Variants in HECA observed in about 807,000 individuals in gnomAD.
The protein encoded by HECA is HECA ribonucleoprotein granule regulator.
In HECA, 13 loss-of-function variants were observed where a neutral mutation model predicts 37.6. The ratio of observed to expected loss-of-function variants is 0.35; its 90% confidence interval spans 0.23 to 0.55. HECA has a LOEUF of 0.55. Among genes scored for constraint, HECA ranks in the 20% least tolerant of loss-of-function variants. The pLI is 0.90. For missense variants in HECA, 527 were observed against 701.9 expected, an observed-to-expected ratio of 0.75 and a Z score of 2.82; for synonymous variants, 307 against 291.5, an observed-to-expected ratio of 1.05 and a Z score of -0.54.
chr6:139,159,428 G>A (rs995601146), intron 1 of HECA, among the ~76,000 whole-genome samples: 6 of 152,142 alleles, frequency 3.9e-5, no homozygotes, highest in Non-Finnish European at 8.8e-5. Flanking sequence ...CCATGGAACC[G>A]GGACTTACAC....
At chr6:139,159,457 T>A (rs951481282) in intron 1 of HECA, among the ~76,000 whole-genome samples, 4 of 151,922 alleles carry the variant, frequency 2.6e-5, no homozygotes. Context: ...CTTTTTTTCC[T>A]CCTTTAAAAA....
chr6:139,171,396 G>A (rs1383810601), intron 2 of HECA, among the ~76,000 whole-genome samples: 1 of 152,156 alleles, frequency 6.6e-6, no homozygotes, highest in African/African-American at 2.4e-5. Context: ...CACATTAGAT[G>A]TGCCCACAAA....
At chr6:139,153,299 A>G (rs551175874) in intron 1 of HECA, 1 of 152,296 alleles carries the variant, frequency 6.6e-6, no homozygotes, top group African/African-American at 2.4e-5. Flanking sequence ...CCAGTTTTCT[A>G]AAGACTTAAA....
At chr6:139,141,711 A>T (rs1289415740) in intron 1 of HECA, among the ~76,000 whole-genome samples, 2 of 151,088 alleles carry the variant, frequency 1.3e-5, no homozygotes, top group African/African-American at 4.9e-5. Flanking sequence ...TTTATGAGGG[A>T]TCTAATCCCG....
intron 1 of HECA, among the ~76,000 whole-genome samples, chr6:139,137,310 T>G (rs1262492313): frequency 1.3e-5 from 2 of 152,078 alleles, no homozygotes; most frequent in Non-Finnish European, 2.9e-5. Flanking sequence ...TCCTCATGTG[T>G]AAACTTGAAA....
At chr6:139,175,317 G>A (rs1177957883) in intron 3 of HECA, among the ~76,000 whole-genome samples, 1 of 152,142 alleles carries the variant, frequency 6.6e-6, no homozygotes, top group Non-Finnish European at 1.5e-5. Context: ...GCTCTAAAGT[G>A]TTCCAGCCTG....
chr6:139,174,194 T>C (rs1162134109), intron 2 of HECA, among the ~76,000 whole-genome samples, 191 bp from the exon 3 acceptor site: 5 of 152,252 alleles, frequency 3.3e-5, no homozygotes, highest in Non-Finnish European at 5.9e-5. Flanking sequence ...ACATGCTTTA[T>C]TGACAACAGC....
At chr6:139,174,362 A>ACTG (rs1362605376) in intron 2 of HECA, 23 bp from the exon 3 acceptor site, 1 of 1,600,114 alleles carries the variant, frequency 6.2e-7, no homozygotes, top group African/African-American at 1.3e-5. Flanking sequence ...GGCCACTCAG[A>ACTG]GCCTTGTGTC....
chr6:139,179,344 T>G lies in HECA; in HGVS notation c.*2239T>G, dbSNP rs981006382. ...CTGCTTTATATTGTTGTTCTGAAGC[T>G]TACAATTGACCTATACATTGCATTC... On this transcript the variant is annotated 3_prime_UTR_variant, in exon 4 of 4. Coordinates refer to ENST00000367658, the MANE Select transcript of HECA (RefSeq NM_016217.3). 6 of 152,190 alleles carry G rather than the reference T, an allele frequency of 3.9e-5. No individual in the cohort carries two copies. The highest frequency in any genetic ancestry group is 3.2e-3 in the Middle Eastern group (1 of 316). 9.4% of individuals were successfully genotyped at this position (152,190 alleles called of 1,614,324 possible).
chr6:139,136,788 C>T (rs553287345), intron 1 of HECA, among the ~76,000 whole-genome samples: 87 of 152,232 alleles, frequency 5.7e-4, no homozygotes, highest in African/African-American at 1.7e-3. Context: ...GCGCCCGCCA[C>T]CACGCCCGGC....
In HECA at chr6:139,177,102, T is replaced by C. The variant is rs370400624; in HGVS notation, c.1629T>C (p.Tyr543=). The change falls in exon 4 of 4, where the codon TAT becomes TAC. Residue 543 remains tyrosine, a synonymous_variant. Coordinates refer to ENST00000367658, the MANE Select transcript of HECA (RefSeq NM_016217.3). The surrounding 1 kb of genome is among the most constrained non-coding windows in gnomAD (Gnocchi z 4.9). ...CCTCCTTCAAAGTTCTCGAAGCTTA[T>C]TGATGAAAGCTTTGCTTTAGTAATA... The part of the protein sequence containing the change: ...PFSSFKVLEA[Y] 1 of 848,990 alleles carries C rather than the reference T, an allele frequency of 1.2e-6. No individual in the cohort carries two copies. The highest frequency in any genetic ancestry group is 2.1e-6 in the Non-Finnish European group (1 of 482,442). 52.6% of individuals were successfully genotyped at this position (848,990 alleles called of 1,614,324 possible). A position where few individuals can be genotyped will look rare whatever the true frequency, so the allele number is the denominator to read the frequency against.
intron 1 of HECA, among the ~76,000 whole-genome samples, chr6:139,140,859 C>T (rs915642834): frequency 7.2e-5 from 11 of 152,092 alleles, no homozygotes; most frequent in Admixed American, 3.3e-4. Flanking sequence ...GGCACTATCT[C>T]GGCTCACTGC....
At chr6:139,137,126 GT>G (rs1463141838) in intron 1 of HECA, among the ~76,000 whole-genome samples, 2 of 152,152 alleles carry the variant, frequency 1.3e-5, no homozygotes, top group African/African-American at 2.4e-5. Context: ...CAGAATACTA[GT>G]TTTGGGTAGC....
rs537903292 is a variant in HECA, at chr6:139,179,016, A to G, written c.*1911A>G. 29 of 152,342 alleles carry G rather than the reference A, an allele frequency of 1.9e-4. No individual in the cohort carries two copies. Among genetic ancestry groups the G allele is most frequent in the African/African-American group, 6.7e-4 (28 of 41,572 alleles). The allele number at this position is 152,342 out of a possible 1,614,324, so 9.4% of individuals were successfully genotyped here. On this transcript the variant is annotated 3_prime_UTR_variant, in exon 4 of 4. Coordinates refer to ENST00000367658, the MANE Select transcript of HECA (RefSeq NM_016217.3). Reference sequence around the variant, plus strand: ...TCTAGGTTGGTGTTTGATCATCTGAAAAAACATTTCAGTGGGAAGAAATGC... The same window carrying G: ...TCTAGGTTGGTGTTTGATCATCTGAGAAAACATTTCAGTGGGAAGAAATGC...
In HECA at chr6:139,167,248, A is replaced by T; in HGVS notation, c.1236A>T (p.Pro412=). 3 of 1,613,814 alleles carry T rather than the reference A, an allele frequency of 1.9e-6. No individual in the cohort carries two copies. The highest frequency in any genetic ancestry group is 2.5e-6 in the Non-Finnish European group (3 of 1,179,748). The stretch of plus-strand genomic sequence containing the variant: ...CGCTCCCGGTGTTCGAACAGTTCCC[A>T]CTGGTGGATGGAACTTTGTTCCTAA... The part of the protein sequence containing the change: ...HRALPVFEQF[P]LVDGTLFLSP... The change falls in exon 2 of 4, where the codon CCA becomes CCT. Residue 412 remains proline, a synonymous_variant. Coordinates refer to ENST00000367658, the MANE Select transcript of HECA (RefSeq NM_016217.3).
chr6:139,138,144 T>G (rs1373397041), intron 1 of HECA, among the ~76,000 whole-genome samples: 1 of 152,112 alleles, frequency 6.6e-6, no homozygotes, highest in East Asian at 1.9e-4. Context: ...TCTTTCTTTG[T>G]TTTTTTCTTT....
chr6:139,160,963 A>G (rs568841878), intron 1 of HECA, among the ~76,000 whole-genome samples: 51 of 152,282 alleles, frequency 3.3e-4, no homozygotes, highest in African/African-American at 1.2e-3. Flanking sequence ...TCAAACAACT[A>G]ATCAGGAGCA....
chr6:139,148,818 G>A (rs564972749), intron 1 of HECA, among the ~76,000 whole-genome samples: 3 of 151,888 alleles, frequency 2.0e-5, no homozygotes, highest in African/African-American at 4.8e-5. Flanking sequence ...CCTCCTCTCC[G>A]AGTCTCTGGC....
At chr6:139,142,964 T>C (rs1489681994) in intron 1 of HECA, among the ~76,000 whole-genome samples, 1 of 152,100 alleles carries the variant, frequency 6.6e-6, no homozygotes, top group Non-Finnish European at 1.5e-5. Flanking sequence ...AAAGTAATAA[T>C]GGTAGATGAT....
Sources: allele counts gnomAD v4.1 joint callset (sites outside exome capture counted in the v4.1 genomes callset), GRCh38; gene constraint gnomAD v4.1.1; non-coding constraint Gnocchi (gnomAD v3.1); transcripts MANE v1.5; gene names NCBI Gene and HGNC (gene_info 2026-07-23, HGNC 2026-07-21).